The following ST7 variants were observed in gnomAD, a reference collection of about 807,000 sequenced individuals.
The protein encoded by ST7 is suppressor of tumorigenicity 7 protein.
In ST7, 28 loss-of-function variants were observed where a neutral mutation model predicts 78.7. The ratio of observed to expected loss-of-function variants is 0.36; its 90% CI spans 0.26 to 0.49. The LOEUF is 0.49. Among genes scored for constraint, ST7 ranks in the 20% least tolerant of loss-of-function variants. The pLI is 0.99. For missense variants in ST7, 418 were observed against 696.0 expected (o/e 0.60, Z 4.49); for synonymous variants, 247 against 249.6 (o/e 0.99, Z 0.10).
At chr7:117,209,706 G>A (rs899441699) in intron 12 of ST7, 81 bp from the exon 13 acceptor site, 12 of 1,500,684 alleles carry the variant, frequency 8.0e-6, no homozygotes, top group Non-Finnish European at 1.1e-5. Context: ...TGGCTTTAGG[G>A]AAATCAACTG....
intron 1 of ST7, among the ~76,000 whole-genome samples, chr7:117,016,992 A>G (rs1276627728): frequency 6.6e-6 from 1 of 152,196 alleles, no homozygotes. Flanking sequence ...TGATTCAAGA[A>G]CAGATTTATT....
chr7:117,147,109 A>G (rs1805855468), intron 9 of ST7, among the ~76,000 whole-genome samples: 1 of 151,918 alleles, frequency 6.6e-6, no homozygotes, highest in African/African-American at 2.4e-5. Flanking sequence ...GTTTTACTCA[A>G]CACTGTTTTT....
chr7:117,136,803 A>G (rs1200633785), intron 8 of ST7: 4 of 152,608 alleles, frequency 2.6e-5, no homozygotes, highest in Admixed American at 2.6e-4. Flanking sequence ...ACTCCCCAAA[A>G]AACGCCTTTT....
intron 9 of ST7, among the ~76,000 whole-genome samples, chr7:117,169,490 T>G (rs1807820839): frequency 6.6e-6 from 1 of 152,174 alleles, no homozygotes. Context: ...TGGTCTTTCT[T>G]CTTTCTCTTT....
chr7:117,115,579 C>T (rs542238206), intron 2 of ST7, among the ~76,000 whole-genome samples: 1 of 152,206 alleles, frequency 6.6e-6, no homozygotes, highest in East Asian at 1.9e-4. Flanking sequence ...GTCTCGAACT[C>T]CTGACCTCAG....
At chr7:117,122,043 T>C (rs933897753) in intron 3 of ST7, among the ~76,000 whole-genome samples, 9 of 152,076 alleles carry the variant, frequency 5.9e-5, no homozygotes, top group Admixed American at 4.6e-4. Flanking sequence ...TAAAGATTAA[T>C]GGAAGTAGAG....
intron 2 of ST7, among the ~76,000 whole-genome samples, chr7:117,118,889 A>G (rs1783444718): frequency 6.6e-6 from 1 of 152,184 alleles, no homozygotes; most frequent in African/African-American, 2.4e-5. Flanking sequence ...TTTGTAATTC[A>G]CAGTACATAA....
At chr7:117,011,278 C>T (rs77014374) in intron 1 of ST7, among the ~76,000 whole-genome samples, 2 of 152,118 alleles carry the variant, frequency 1.3e-5, no homozygotes, top group Non-Finnish European at 2.9e-5. Flanking sequence ...AACATAAACA[C>T]GCTGAATTAG....
chr7:116,990,691 AC>A (rs1387533250), intron 1 of ST7, among the ~76,000 whole-genome samples: 2 of 151,926 alleles, frequency 1.3e-5, no homozygotes, highest in African/African-American at 4.8e-5. Flanking sequence ...GCTTTCCATG[AC>A]CCTTTAAAAT....
intron 1 of ST7, among the ~76,000 whole-genome samples, chr7:116,986,172 A>G (rs1194789733): frequency 6.6e-6 from 1 of 152,222 alleles, no homozygotes; most frequent in Admixed American, 6.5e-5. Context: ...CACTAAGAGC[A>G]TTCTGGGTTG....
intron 1 of ST7, among the ~76,000 whole-genome samples, chr7:116,969,781 A>G (rs575207801): frequency 3.9e-5 from 6 of 152,290 alleles, no homozygotes; most frequent in African/African-American, 1.4e-4. Flanking sequence ...TTATTGTAGA[A>G]AAAAGGGAAA....
chr7:117,199,982 A>T (rs1810667234), intron 12 of ST7, among the ~76,000 whole-genome samples: 1 of 152,144 alleles, frequency 6.6e-6, no homozygotes, highest in African/African-American at 2.4e-5. Flanking sequence ...AACCTTGAAC[A>T]TTGTGGTCCC....
chr7:117,153,782 A>G (rs1245542998), intron 9 of ST7, among the ~76,000 whole-genome samples: 2 of 152,210 alleles, frequency 1.3e-5, no homozygotes, highest in South Asian at 2.1e-4. Context: ...AATAGATTCA[A>G]TTGTGTTATC....
intron 1 of ST7, among the ~76,000 whole-genome samples, chr7:117,056,301 T>C (rs1174605463): frequency 6.6e-6 from 1 of 152,186 alleles, no homozygotes; most frequent in African/African-American, 2.4e-5. Flanking sequence ...CTGCTGAGTA[T>C]ATTTCTTGCT....
At chr7:117,063,219 C>G (rs1372179968) in intron 1 of ST7, among the ~76,000 whole-genome samples, 2 of 152,130 alleles carry the variant, frequency 1.3e-5, no homozygotes, top group African/African-American at 4.8e-5. Context: ...AATTAGAAAT[C>G]TGGGTGATAA....
At chr7:116,958,842 G>A (rs1792668805) in intron 1 of ST7, among the ~76,000 whole-genome samples, 1 of 152,106 alleles carries the variant, frequency 6.6e-6, no homozygotes, top group Admixed American at 6.5e-5. Flanking sequence ...AATGCTATCT[G>A]AGCCTCAGGA....
At chr7:117,209,749 A>G in intron 12 of ST7, 38 bp from the exon 13 acceptor site, 1 of 1,593,336 alleles carries the variant, frequency 6.3e-7, no homozygotes, top group South Asian at 1.1e-5. Context: ...TAAATTACTT[A>G]GGTATTAACA....
chr7:117,054,339 T>C (rs1797950766), intron 1 of ST7, among the ~76,000 whole-genome samples: 2 of 152,214 alleles, frequency 1.3e-5, no homozygotes, highest in Admixed American at 6.5e-5. Flanking sequence ...ATTCTTGGAA[T>C]TGTCAAGCTG....
intron 1 of ST7, among the ~76,000 whole-genome samples, chr7:117,037,715 C>G (rs978751693): frequency 2.0e-5 from 3 of 152,130 alleles, no homozygotes; most frequent in African/African-American, 7.2e-5. Flanking sequence ...GATTATATGG[C>G]AAATAGCATC....
Sources: allele counts gnomAD v4.1 joint callset (sites outside exome capture counted in the v4.1 genomes callset), GRCh38; gene constraint gnomAD v4.1.1; transcripts MANE v1.5; gene names NCBI Gene and HGNC (gene_info 2026-07-23, HGNC 2026-07-21).